The following SYT1 variants were observed in gnomAD, a reference collection of about 807,000 sequenced individuals.
SYT1 encodes the protein synaptotagmin-1.
In SYT1, 8 loss-of-function variants were observed where a neutral mutation model predicts 44.8. The ratio of observed to expected loss-of-function variants is 0.18; its 90% CI spans 0.10 to 0.32. SYT1 has a LOEUF of 0.32. SYT1 is among the 10% of genes least tolerant of loss of function. The pLI is 1.00. For synonymous variants in SYT1, 154 were observed against 188.8 expected, an observed-to-expected ratio of 0.82 and a Z score of 1.51; for missense variants, 286 against 509.3, an observed-to-expected ratio of 0.56 and a Z score of 4.22.
chr12:79,352,207 C>T (rs907027399), intron 8 of SYT1, among the ~76,000 whole-genome samples: 12 of 148,050 alleles, frequency 8.1e-5, no homozygotes, highest in African/African-American at 2.7e-4. Flanking sequence ...AAAAAAAAAA[C>T]GGGGGGGAAT....
At chr12:79,427,379 C>T (rs147656431) in intron 9 of SYT1, among the ~76,000 whole-genome samples, 44 of 152,316 alleles carry the variant, frequency 2.9e-4, no homozygotes, top group African/African-American at 9.9e-4. Context: ...GTTTAGCGCC[C>T]TCACTCCAAC....
intron 3 of SYT1, among the ~76,000 whole-genome samples, chr12:79,181,801 A>C (rs937874993): frequency 6.6e-6 from 1 of 152,040 alleles, no homozygotes; most frequent in Non-Finnish European, 1.5e-5. Flanking sequence ...CTTAGTTTTT[A>C]GTTCACATGA....
At chr12:79,354,263 C>T (rs775787332) in intron 9 of SYT1, among the ~76,000 whole-genome samples, 3 of 152,116 alleles carry the variant, frequency 2.0e-5, no homozygotes, top group Non-Finnish European at 4.4e-5. Flanking sequence ...GTCACTTCCA[C>T]GGTTGAACAT....
chr12:79,357,698 C>T (rs1883165112), intron 9 of SYT1, among the ~76,000 whole-genome samples: 2 of 152,146 alleles, frequency 1.3e-5, no homozygotes, highest in African/African-American at 2.4e-5. Context: ...TTGCAGGCTG[C>T]AAGACTGTTC....
At chr12:78,930,285 A>T (rs572738737) in intron 1 of SYT1, among the ~76,000 whole-genome samples, 1 of 152,222 alleles carries the variant, frequency 6.6e-6, no homozygotes, top group South Asian at 2.1e-4. Context: ...AATACACACA[A>T]TTATTAATTG....
At chr12:79,309,584 A>G (rs1289797816) in intron 8 of SYT1, among the ~76,000 whole-genome samples, 2 of 152,202 alleles carry the variant, frequency 1.3e-5, no homozygotes, top group Non-Finnish European at 2.9e-5. Context: ...AAGATTCTTA[A>G]GACCTGAGGA....
At position 79,440,696 on chromosome 12, in the gene SYT1, C is replaced by T. The variant is rs188160113; in HGVS notation, c.929-3377C>T. The stretch of plus-strand genomic sequence containing the variant: ...GCCACCAAGAGACTGACAAGGATTT[C>T]GCTTTGCAGAACAACCCCTAAAACA... On this transcript the variant is annotated intron_variant, in intron 9 of 10. Transcript: ENST00000261205. Among the ~76,000 whole-genome samples, 6 of 152,208 alleles carry T rather than the reference C, an allele frequency of 3.9e-5. No homozygotes were observed. The East Asian group carries it at 9.7e-4, about 25-fold the overall frequency.
intron 1 of SYT1, among the ~76,000 whole-genome samples, chr12:78,903,004 A>C (rs1045664904): frequency 8.5e-5 from 13 of 152,186 alleles, no homozygotes; most frequent in Non-Finnish European, 1.3e-4. Context: ...AAGAGGAATT[A>C]GGGTCATAGT....
At chr12:79,214,939 ATATGTGTGTG>A (rs1278181521) in intron 3 of SYT1, among the ~76,000 whole-genome samples, 7 of 95,184 alleles carry the variant, frequency 7.4e-5, no homozygotes, top group African/African-American at 5.3e-5. Context: ...TAATGTGTGT[ATATGTGTGTG>A]TGTGTGTGTG....
At chr12:79,235,041 A>T (rs1481507259) in intron 4 of SYT1, among the ~76,000 whole-genome samples, 1 of 152,190 alleles carries the variant, frequency 6.6e-6, no homozygotes, top group East Asian at 1.9e-4. Context: ...AAGTTGCAGT[A>T]AATATTTTTG....
chr12:79,345,547 A>G (rs980288539), intron 8 of SYT1, among the ~76,000 whole-genome samples: 17 of 152,244 alleles, frequency 1.1e-4, no homozygotes, highest in African/African-American at 4.1e-4. Flanking sequence ...ATCCAAAGAT[A>G]CACTCTCTTT....
intron 8 of SYT1, chr12:79,341,260 C>T (rs966936175): frequency 6.6e-6 from 1 of 152,044 alleles, no homozygotes; most frequent in Non-Finnish European, 1.5e-5. Flanking sequence ...GCTACAATAA[C>T]AAATAGGCCC....
At chr12:79,299,194 C>T (rs886289696) in intron 7 of SYT1, among the ~76,000 whole-genome samples, 190 bp from the exon 8 acceptor site, 1 of 152,030 alleles carries the variant, frequency 6.6e-6, no homozygotes, top group Non-Finnish European at 1.5e-5. Context: ...ACTAAAATTT[C>T]CCATTTTCTC....
chr12:78,974,075 A>G (rs1868633832), intron 1 of SYT1, among the ~76,000 whole-genome samples: 1 of 148,976 alleles, frequency 6.7e-6, no homozygotes, highest in Admixed American at 6.7e-5. Context: ...GAGTGTACTT[A>G]CACAAACCTA....
At chr12:79,249,027 G>T (rs1198939020) in intron 4 of SYT1, among the ~76,000 whole-genome samples, 1 of 149,424 alleles carries the variant, frequency 6.7e-6, no homozygotes, top group East Asian at 2.0e-4. Flanking sequence ...TGGCTATTCC[G>T]GCTTAGAGTT....
chr12:78,964,299 A>G (rs1402479199), intron 1 of SYT1: 1 of 152,226 alleles, frequency 6.6e-6, no homozygotes, highest in Admixed American at 6.6e-5. Context: ...GTTTTATATT[A>G]GAATTATGTC....
At chr12:79,365,172 A>G (rs941013424) in intron 9 of SYT1, among the ~76,000 whole-genome samples, 18 of 152,152 alleles carry the variant, frequency 1.2e-4, no homozygotes, top group African/African-American at 3.6e-4. Context: ...GCTTATATCA[A>G]TTCTATACAT....
chr12:79,281,523 A>T (rs1442580392), intron 4 of SYT1, among the ~76,000 whole-genome samples: 1 of 152,106 alleles, frequency 6.6e-6, no homozygotes, highest in Non-Finnish European at 1.5e-5. Context: ...TGAACACTGG[A>T]GACTCAAAAG....
chr12:79,235,494 GA>G, intron 4 of SYT1, among the ~76,000 whole-genome samples: 1 of 151,650 alleles, frequency 6.6e-6, no homozygotes, highest in East Asian at 1.9e-4. Flanking sequence ...AGAAAAACTT[GA>G]TAAGTTAGGA....
Sources: allele counts gnomAD v4.1 joint callset (sites outside exome capture counted in the v4.1 genomes callset), GRCh38; gene constraint gnomAD v4.1.1; transcripts MANE v1.5; gene names NCBI Gene and HGNC (gene_info 2026-07-23, HGNC 2026-07-21).